Variants in CBLB observed in about 807,000 individuals in gnomAD.
The protein encoded by CBLB is E3 ubiquitin-protein ligase CBL-B.
In CBLB, 31 loss-of-function variants were observed where a neutral mutation model predicts 104.9. The ratio of observed to expected loss-of-function variants is 0.30; its 90% CI spans 0.22 to 0.40. The LOEUF is 0.40. CBLB is among the 10% of genes least tolerant of loss of function. CBLB has a pLI of 1.00. For missense variants in CBLB, 1,062 were observed against 1,214.6 expected (o/e 0.87, Z 1.87); for synonymous variants, 440 against 422.6 (o/e 1.04, Z -0.51).
intron 14 of CBLB, among the ~76,000 whole-genome samples, chr3:105,683,538 ACTC>A (rs3996192): frequency 0.25 from 38,204 of 151,882 alleles, 4,912 homozygotes; most frequent in Admixed American, 0.27. Flanking sequence ...TTAAAATTAT[ACTC>A]CTCACTTATC....
At chr3:105,673,735 T>TA (rs1184381463) in intron 17 of CBLB, 1 of 152,238 alleles carries the variant, frequency 6.6e-6, no homozygotes, top group Non-Finnish European at 1.5e-5. Flanking sequence ...CGTAATGATT[T>TA]AGGAAACTTC....
chr3:105,704,788 G>T (rs982448804), intron 10 of CBLB, among the ~76,000 whole-genome samples: 51 of 146,200 alleles, frequency 3.5e-4, no homozygotes, highest in African/African-American at 1.2e-3. Flanking sequence ...AAGTCTGTCT[G>T]TACTTCTGGC....
At chr3:105,823,652 T>C (rs2086184404) in intron 3 of CBLB, among the ~76,000 whole-genome samples, 1 of 152,196 alleles carries the variant, frequency 6.6e-6, no homozygotes, top group Non-Finnish European at 1.5e-5. Context: ...TTACTCTTCC[T>C]ACTGCTATGC....
At chr3:105,793,868 CAAAG>C (rs78937030) in intron 3 of CBLB, among the ~76,000 whole-genome samples, 25,920 of 151,788 alleles carry the variant, frequency 0.17, 2,563 homozygotes, top group Admixed American at 0.28. Context: ...AAAAGGGTGA[CAAAG>C]AAGCTTCTTA....
intron 3 of CBLB, among the ~76,000 whole-genome samples, chr3:105,818,597 A>G (rs2085383695): frequency 6.6e-6 from 1 of 152,152 alleles, no homozygotes; most frequent in African/African-American, 2.4e-5. Flanking sequence ...AAAATCATGA[A>G]TAATTTTTAC....
At chr3:105,777,575 C>A (rs2079632298) in intron 3 of CBLB, among the ~76,000 whole-genome samples, 1 of 152,166 alleles carries the variant, frequency 6.6e-6, no homozygotes, top group Non-Finnish European at 1.5e-5. Flanking sequence ...GAGACATGAA[C>A]ACGCCACTGC....
chr3:105,817,663 G>GT (rs945169262), intron 3 of CBLB, among the ~76,000 whole-genome samples: 4 of 152,154 alleles, frequency 2.6e-5, no homozygotes, highest in Admixed American at 2.6e-4. Context: ...TCTGAAAACT[G>GT]TAACATACCA....
In CBLB at chr3:105,656,003, G is replaced by A; in HGVS notation, c.*2967C>T. On this transcript the variant is annotated 3_prime_UTR_variant, in exon 19 of 19. Coordinates refer to ENST00000394030, the MANE Select transcript of CBLB (RefSeq NM_170662.5). The stretch of plus-strand genomic sequence containing the variant: ...TTCTATTATGAAGACTATTTGCAAT[G>A]TGGGCAAAAGGGAAACAGAGAGGGA... The A allele has an allele frequency of 4.4e-6, 1 of 228,430 alleles. No homozygotes were observed. Among genetic ancestry groups the A allele is most frequent in the Non-Finnish European group, 8.7e-6 (1 of 115,066 alleles). The allele number at this position is 228,430 out of a possible 1,614,324, so 14.2% of individuals were successfully genotyped here. A position where few individuals can be genotyped will look rare whatever the true frequency, so the allele number is the denominator to read the frequency against.
At chr3:105,701,108 A>G (rs998513085) in intron 12 of CBLB, among the ~76,000 whole-genome samples, 4 of 152,222 alleles carry the variant, frequency 2.6e-5, no homozygotes, top group Non-Finnish European at 5.9e-5. Flanking sequence ...AAATTATTAC[A>G]GTATACCTCT....
At chr3:105,748,826 C>A (rs749647777) in intron 5 of CBLB, among the ~76,000 whole-genome samples, 31 of 152,100 alleles carry the variant, frequency 2.0e-4, no homozygotes, top group Non-Finnish European at 3.8e-4. Context: ...CCTGCCCCCC[C>A]ACTGGCTCCT....
intron 3 of CBLB, among the ~76,000 whole-genome samples, chr3:105,849,272 A>G (rs535212485): frequency 6.6e-6 from 1 of 152,274 alleles, no homozygotes; most frequent in African/African-American, 2.4e-5. Flanking sequence ...ACATTTATCA[A>G]ATGTAAATTC....
At chr3:105,771,367 T>C (rs1320983907) in intron 4 of CBLB, among the ~76,000 whole-genome samples, 1 of 152,090 alleles carries the variant, frequency 6.6e-6, no homozygotes, top group Non-Finnish European at 1.5e-5. Context: ...AAAATATGTA[T>C]AGAAGAGATT....
chr3:105,754,066 A>T (rs2076822221), intron 4 of CBLB, among the ~76,000 whole-genome samples: 1 of 151,982 alleles, frequency 6.6e-6, no homozygotes, highest in Admixed American at 6.6e-5. Context: ...TTCATATATG[A>T]GTGTTTGCGC....
At chr3:105,690,821 CAA>C (rs1178398593) in intron 13 of CBLB, among the ~76,000 whole-genome samples, 30 of 65,764 alleles carry the variant, frequency 4.6e-4, no homozygotes, top group African/African-American at 5.2e-4. Context: ...GACTCCATCT[CAA>C]AAAAAAAAAA....
chr3:105,711,274 A>T (rs111727438), intron 10 of CBLB, among the ~76,000 whole-genome samples: 223 of 152,134 alleles, frequency 1.5e-3, no homozygotes, highest in African/African-American at 5.2e-3. Flanking sequence ...TATAATAAGG[A>T]TGATGAGAAG....
At chr3:105,736,992 A>G (rs2075021050) in intron 8 of CBLB, among the ~76,000 whole-genome samples, 179 bp downstream of exon 8, 2 of 152,110 alleles carry the variant, frequency 1.3e-5, no homozygotes, top group Non-Finnish European at 2.9e-5. Context: ...AACAGCATAA[A>G]TTTGTATCAA....
At chr3:105,782,319 C>T (rs753557564) in intron 3 of CBLB, among the ~76,000 whole-genome samples, 7 of 152,194 alleles carry the variant, frequency 4.6e-5, no homozygotes, top group African/African-American at 1.4e-4. Flanking sequence ...TAGGAACAAC[C>T]TAAACTGAAA....
intron 10 of CBLB, among the ~76,000 whole-genome samples, chr3:105,719,462 T>A (rs1165147465): frequency 2.6e-5 from 4 of 152,190 alleles, no homozygotes; most frequent in African/African-American, 7.2e-5. Context: ...ACCACATACA[T>A]CATGGTGATC....
chr3:105,754,341 A>G (rs1207848157), intron 4 of CBLB, among the ~76,000 whole-genome samples: 1 of 152,020 alleles, frequency 6.6e-6, no homozygotes, highest in Non-Finnish European at 1.5e-5. Flanking sequence ...GAATTTTCAC[A>G]CCTCCATTTA....
Sources: gnomAD v4.1 joint callset for allele counts (sites outside exome capture counted in the v4.1 genomes callset) on GRCh38, gnomAD v4.1.1 for gene constraint, MANE v1.5 for transcripts, NCBI Gene and HGNC (gene_info 2026-07-23, HGNC 2026-07-21) for gene names.